DAPK2: variants seen among roughly 807,000 people sequenced by gnomAD.
DAPK2 encodes death associated protein kinase 2, also known as death-associated protein kinase 2.
A neutral mutation model predicts 44.1 loss-of-function variants in DAPK2; 35 were observed. The ratio of observed to expected loss-of-function variants is 0.79; its 90% confidence interval spans 0.61 to 1.05. The LOEUF is 1.05. Among genes scored for constraint, DAPK2 ranks in the 50% least tolerant of loss-of-function variants. The pLI is 0.00. For synonymous variants in DAPK2, 174 were observed against 182.6 expected (o/e 0.95, Z 0.38); for missense variants, 453 against 483.2 (o/e 0.94, Z 0.59).
chr15:63,913,839 C>G (rs2078858405), intron 8 of DAPK2, among the ~76,000 whole-genome samples: 1 of 152,148 alleles, frequency 6.6e-6, no homozygotes, highest in African/African-American at 2.4e-5. Context: ...ATCATGTCTC[C>G]CTCCCTGACA....
At chr15:63,981,784 G>A (rs1424899587) in intron 2 of DAPK2, among the ~76,000 whole-genome samples, 1 of 152,046 alleles carries the variant, frequency 6.6e-6, no homozygotes, top group Non-Finnish European at 1.5e-5. Flanking sequence ...TCTGGGTCAC[G>A]CAGGGCAGGC....
chr15:64,033,290 A>AAGGG, intron 1 of DAPK2, among the ~76,000 whole-genome samples: 1 of 38,852 alleles, frequency 2.6e-5, no homozygotes, highest in Non-Finnish European at 1.2e-4. Flanking sequence ...GGGAAGGGGG[A>AAGGG]AGGAAGGAAG....
At chr15:63,935,083 T>C (rs1465403247) in intron 4 of DAPK2, among the ~76,000 whole-genome samples, 6 of 141,754 alleles carry the variant, frequency 4.2e-5, no homozygotes, top group Non-Finnish European at 9.1e-5. Context: ...CTTAAATCTT[T>C]GCCTTCTTTT....
chr15:64,016,775 A>G (rs1172229567), intron 1 of DAPK2, among the ~76,000 whole-genome samples: 1 of 150,544 alleles, frequency 6.6e-6, no homozygotes, highest in East Asian at 2.0e-4. Context: ...TCTGGGTGGC[A>G]GAGAAGAAAG....
At chr15:64,008,965 A>C (rs1257632565) in intron 1 of DAPK2, among the ~76,000 whole-genome samples, 4 of 152,114 alleles carry the variant, frequency 2.6e-5, no homozygotes, top group African/African-American at 9.7e-5. Flanking sequence ...CTGCAAACAT[A>C]AGACCTCTTT....
intron 1 of DAPK2, among the ~76,000 whole-genome samples, chr15:64,030,549 C>T (rs1331543674): frequency 6.6e-6 from 1 of 152,034 alleles, no homozygotes; most frequent in African/African-American, 2.4e-5. Flanking sequence ...CACTGCTGCC[C>T]TATGCAGAGA....
chr15:63,985,702 G>A (rs1028429161), intron 1 of DAPK2, among the ~76,000 whole-genome samples: 2 of 152,210 alleles, frequency 1.3e-5, no homozygotes, highest in African/African-American at 4.8e-5. Context: ...TCCCAGCCCT[G>A]CACTGTGTTG....
chr15:64,013,625 G>A lies in DAPK2; in HGVS notation c.92+26545C>T, dbSNP rs1236821203. Among the ~76,000 whole-genome samples, 6 of 152,238 alleles carry A rather than the reference G, an allele frequency of 3.9e-5. No homozygotes were observed. The highest frequency in any genetic ancestry group is 6.5e-5 in the Admixed American group (1 of 15,284). On this transcript the variant is annotated intron_variant, in intron 1 of 10. Transcript: ENST00000261891. This position sits in a 1 kb window ranked among gnomAD's most constrained non-coding sequence, Gnocchi z 4.7. ...CTCACATTGCCAGAGAAGGAACTGA[G>A]CGCCAGATAAGAATGCATTCCTTCT...
At chr15:63,924,998 A>G (rs1039087623) in intron 7 of DAPK2, 137 bp from the exon 9 acceptor site, 11 of 895,862 alleles carry the variant, frequency 1.2e-5, no homozygotes, top group Middle Eastern at 2.4e-4. Context: ...TGGAGGATGC[A>G]GAGATGGATG....
intron 1 of DAPK2, among the ~76,000 whole-genome samples, chr15:63,987,233 C>A (rs781777053): frequency 9.9e-5 from 15 of 152,098 alleles, no homozygotes; most frequent in Non-Finnish European, 1.9e-4. Flanking sequence ...CCCAGCCAAC[C>A]CAAGGGCAGG....
intron 3 of DAPK2, 52 bp downstream of exon 4, chr15:63,971,371 C>G: frequency 6.2e-7 from 1 of 1,603,684 alleles, no homozygotes; most frequent in Non-Finnish European, 8.5e-7. Flanking sequence ...CCAGGAGGGA[C>G]TAAGCCTCTT....
At chr15:63,914,391 G>A (rs1046734654) in intron 8 of DAPK2, among the ~76,000 whole-genome samples, 4 of 152,198 alleles carry the variant, frequency 2.6e-5, no homozygotes, top group African/African-American at 9.6e-5. Context: ...GACAAGGAAT[G>A]GGAAGAGAAA....
intron 1 of DAPK2, among the ~76,000 whole-genome samples, chr15:64,001,597 C>A (rs560477925): frequency 1.3e-5 from 2 of 152,244 alleles, no homozygotes; most frequent in South Asian, 4.2e-4. Flanking sequence ...GCAGTGTGCC[C>A]CCCTCCCCAC....
chr15:63,911,577 G>A, intron 10 of DAPK2: 1 of 350,078 alleles, frequency 2.9e-6, no homozygotes, highest in South Asian at 5.6e-5. Flanking sequence ...TTCTAAAGCA[G>A]CTTTTGGGTT....
chr15:63,973,285 T>C (rs1344227453), intron 2 of DAPK2, among the ~76,000 whole-genome samples: 1 of 152,204 alleles, frequency 6.6e-6, no homozygotes, highest in African/African-American at 2.4e-5. Flanking sequence ...GGTGGGCCCC[T>C]GGGCAGAGAA....
In DAPK2 at chr15:63,912,131, G is replaced by C; in HGVS notation, c.925C>G (p.Gln309Glu). The change falls in exon 9 of 11, where the codon CAG becomes GAG. Residue 309 changes from glutamine (Q) to glutamate (E), a missense_variant. By Grantham distance (29) the Gln-to-Glu change is conservative. Coordinates refer to ENST00000261891, the Ensembl canonical transcript of DAPK2. This position sits in a 1 kb window ranked among gnomAD's most constrained non-coding sequence, Gnocchi z 4.4. ...ACCTTCCACCGCCTGCGGACATACT[G>C]CTTCCTGAAGTTCTCCAGATTGACC... is the stretch of plus-strand genomic sequence containing the variant. 6.2e-7 allele frequency: 1 copy of C among 1,610,988 alleles called. No homozygotes were observed. Among genetic ancestry groups the C allele is most frequent in the Non-Finnish European group, 8.5e-7 (1 of 1,179,398 alleles).
intron 1 of DAPK2, among the ~76,000 whole-genome samples, chr15:63,994,373 G>T (rs1488069848): frequency 6.6e-6 from 1 of 151,482 alleles, no homozygotes; most frequent in Admixed American, 6.6e-5. Context: ...AAACATTCTT[G>T]ATTGTTTTTG....
chr15:63,935,382 T>C (rs2077114635), intron 4 of DAPK2, among the ~76,000 whole-genome samples: 2 of 152,182 alleles, frequency 1.3e-5, no homozygotes, highest in Admixed American at 6.5e-5. Context: ...TGAGCCACCA[T>C]GCCCGGCCTC....
intron 3 of DAPK2, among the ~76,000 whole-genome samples, chr15:63,943,662 C>T (rs2077374321): frequency 6.6e-6 from 1 of 151,826 alleles, no homozygotes; most frequent in African/African-American, 2.4e-5. Context: ...CACTTGAGGT[C>T]AGGAGTTCAA....
Sources: allele counts gnomAD v4.1 joint callset (sites outside exome capture counted in the v4.1 genomes callset), GRCh38; gene constraint gnomAD v4.1.1; non-coding constraint Gnocchi (gnomAD v3.1); transcripts MANE v1.5; gene names NCBI Gene and HGNC (gene_info 2026-07-23, HGNC 2026-07-21).